Variants in HMGN5 observed in about 807,000 individuals in gnomAD.
The protein encoded by HMGN5 is high mobility group nucleosome binding domain 5, also known as high mobility group nucleosome-binding domain-containing protein 5.
A neutral mutation model predicts 9.5 loss-of-function variants in HMGN5; 4 were observed. That is an observed-to-expected ratio of 0.42 (90% CI 0.21 to 0.96). The LOEUF is 0.96. Ranked by LOEUF, HMGN5 falls within the 40% of genes least tolerant of loss-of-function variation. The pLI is 0.30. For synonymous variants in HMGN5, 55 were observed against 57.1 expected (o/e 0.96, Z 0.16); for missense variants, 192 against 187.5 (o/e 1.02, Z -0.14).
At chrX:81,185,076 T>A (rs2075473573) in intron 1 of HMGN5, among the ~76,000 whole-genome samples, 1 of 111,904 alleles carries the variant, frequency 8.9e-6, no homozygotes. Flanking sequence ...CCAGTTCTGT[T>A]CTTTTTCTTA....
chrX:81,146,713 G>A (rs760199775), intron 1 of HMGN5, among the ~76,000 whole-genome samples: 2 of 111,759 alleles, frequency 1.8e-5, no homozygotes, highest in Admixed American at 9.5e-5. Context: ...CAAGGAGCTA[G>A]TTTTTTGAAA....
chrX:81,169,691 A>G (rs2075420072), intron 1 of HMGN5, among the ~76,000 whole-genome samples: 1 of 111,565 alleles, frequency 9.0e-6, no homozygotes, highest in Non-Finnish European at 1.9e-5. Context: ...TGTTTTAGCC[A>G]TAGAGGGATA....
intron 3 of HMGN5, 143 bp from the exon 4 acceptor site, chrX:81,118,902 G>T (rs1291827588): frequency 1.4e-5 from 6 of 424,713 alleles, no homozygotes; most frequent in Admixed American, 4.8e-5. Context: ...AAATACAAGA[G>T]AAATATAAGT....
intron 1 of HMGN5, among the ~76,000 whole-genome samples, chrX:81,170,233 G>T (rs1410469311): frequency 9.1e-6 from 1 of 110,194 alleles, no homozygotes; most frequent in Non-Finnish European, 1.9e-5. Flanking sequence ...AAGAAGACTG[G>T]TTCTCACGGC....
At chrX:81,181,229 C>T (rs941707904) in intron 1 of HMGN5, among the ~76,000 whole-genome samples, 1 of 111,341 alleles carries the variant, frequency 9.0e-6, no homozygotes, top group Non-Finnish European at 1.9e-5. Flanking sequence ...ATTTATATAT[C>T]CCTTCACACA....
intron 1 of HMGN5, among the ~76,000 whole-genome samples, chrX:81,143,769 G>A (rs1318784770): frequency 8.9e-6 from 1 of 112,340 alleles, no homozygotes; most frequent in Non-Finnish European, 1.9e-5. Context: ...AATTCTCACT[G>A]TTAGCAGTCT....
intron 1 of HMGN5, among the ~76,000 whole-genome samples, chrX:81,163,686 A>G (rs1164694415): frequency 8.9e-6 from 1 of 112,149 alleles, no homozygotes; most frequent in African/African-American, 3.2e-5. Flanking sequence ...CTAAGGAATG[A>G]AACCTTTTCT....
At chrX:81,131,769 C>A (rs1327523558) in intron 1 of HMGN5, among the ~76,000 whole-genome samples, 1 of 111,349 alleles carries the variant, frequency 9.0e-6, no homozygotes, top group Non-Finnish European at 1.9e-5. Context: ...ACTGAATGGA[C>A]AAAAGCTGGA....
intron 1 of HMGN5, among the ~76,000 whole-genome samples, 168 bp downstream of exon 1, chrX:81,201,569 T>C (rs1258617938): frequency 8.9e-6 from 1 of 111,973 alleles, no homozygotes; most frequent in Non-Finnish European, 1.9e-5. Flanking sequence ...AGAAAACCAA[T>C]CCTGCCATTT....
At chrX:81,200,759 C>T (rs148013881) in intron 1 of HMGN5, among the ~76,000 whole-genome samples, 4,947 of 110,498 alleles carry the variant, frequency 0.045, 282 homozygotes, top group African/African-American at 0.16. Flanking sequence ...CTAATGTAAA[C>T]AACGAGTTGA....
chrX:81,137,617 T>C (rs748774752), intron 1 of HMGN5, among the ~76,000 whole-genome samples: 2 of 111,162 alleles, frequency 1.8e-5, no homozygotes, highest in African/African-American at 3.3e-5. Context: ...AGTCTCAAAT[T>C]AATATTCTAA....
chrX:81,189,848 C>T (rs1024394519), intron 1 of HMGN5, among the ~76,000 whole-genome samples: 1 of 112,320 alleles, frequency 8.9e-6, no homozygotes, highest in East Asian at 2.8e-4. Flanking sequence ...TTTCCACCAG[C>T]AATGAATGAT....
chrX:81,116,754 G>A (rs1269890919), intron 5 of HMGN5, among the ~76,000 whole-genome samples: 3 of 111,414 alleles, frequency 2.7e-5, no homozygotes, highest in East Asian at 2.8e-4. Context: ...TGATCGTTAC[G>A]CCTCCATTGG....
At chrX:81,121,327 C>T (rs748700730) in intron 2 of HMGN5, among the ~76,000 whole-genome samples, 2 of 111,387 alleles carry the variant, frequency 1.8e-5, no homozygotes, top group South Asian at 7.6e-4. Flanking sequence ...ACAGAACACT[C>T]CAAAAGTGAA....
At chrX:81,168,291 T>C (rs2075416499) in intron 1 of HMGN5, among the ~76,000 whole-genome samples, 1 of 111,884 alleles carries the variant, frequency 8.9e-6, no homozygotes, top group East Asian at 2.8e-4. Context: ...TTCATTGGAC[T>C]TTGCTGTACA....
intron 1 of HMGN5, among the ~76,000 whole-genome samples, chrX:81,153,603 A>C (rs867208435): frequency 0.047 from 764 of 16,289 alleles, 87 homozygotes; most frequent in South Asian, 0.12. Flanking sequence ...ATATATATAT[A>C]TATATATATA....
At chrX:81,189,438 T>C (rs1349923912) in intron 1 of HMGN5, among the ~76,000 whole-genome samples, 1 of 112,307 alleles carries the variant, frequency 8.9e-6, no homozygotes, top group Non-Finnish European at 1.9e-5. Flanking sequence ...ACTGTATCCA[T>C]AGTTTTGCCT....
intron 1 of HMGN5, among the ~76,000 whole-genome samples, chrX:81,152,527 A>G (rs753857062): frequency 9.1e-6 from 1 of 110,204 alleles, no homozygotes; most frequent in Non-Finnish European, 1.9e-5. Context: ...AGAAATAGGA[A>G]CACTTTTACA....
intron 1 of HMGN5, among the ~76,000 whole-genome samples, chrX:81,185,270 T>G (rs1416297787): frequency 1.8e-5 from 2 of 112,171 alleles, no homozygotes; most frequent in Non-Finnish European, 3.8e-5. Context: ...TTTCCAATTT[T>G]TTCTTTTCTT....
Sources: allele counts gnomAD v4.1 joint callset (sites outside exome capture counted in the v4.1 genomes callset), GRCh38; gene constraint gnomAD v4.1.1; transcripts MANE v1.5; gene names NCBI Gene and HGNC (gene_info 2026-07-23, HGNC 2026-07-21).